The following EZH1 variants were observed in gnomAD, a reference collection of about 807,000 sequenced individuals.
EZH1 encodes the protein histone-lysine N-methyltransferase EZH1.
In EZH1, 33 loss-of-function variants were observed where a neutral mutation model predicts 100.5. The observed-to-expected ratio is 0.33, with a 90% CI of 0.25 to 0.44. The LOEUF (loss-of-function observed/expected upper bound fraction) is 0.44, where lower values mean the gene tolerates loss of function less well. Ranked by LOEUF, EZH1 falls within the 20% of genes least tolerant of loss-of-function variation. EZH1 has a pLI of 1.00. For missense variants in EZH1, 475 were observed against 928.4 expected (o/e 0.51, Z 6.35); for synonymous variants, 272 against 313.8 (o/e 0.87, Z 1.41).
chr17:42,713,175 G>A (rs1597833318), intron 11 of EZH1, 34 bp downstream of exon 11: 1 of 1,605,422 alleles, frequency 6.2e-7, no homozygotes, highest in Non-Finnish European at 8.5e-7. Context: ...TCCTTGCATG[G>A]AAAGAAAAAG....
chr17:42,744,057 G>C (rs988193004), intron 1 of EZH1, among the ~76,000 whole-genome samples: 1 of 151,970 alleles, frequency 6.6e-6, no homozygotes, highest in African/African-American at 2.4e-5. Context: ...GAGCTCCTTT[G>C]CTTTCATCCT....
At chr17:42,713,613 GT>G (rs938078323) in intron 10 of EZH1, among the ~76,000 whole-genome samples, 1 of 151,244 alleles carries the variant, frequency 6.6e-6, no homozygotes, top group Non-Finnish European at 1.5e-5. Context: ...TTGTTTGTTT[GT>G]TTTTTTGAGA....
intron 1 of EZH1, among the ~76,000 whole-genome samples, chr17:42,740,961 T>C (rs1320783842): frequency 3.3e-5 from 5 of 152,220 alleles, no homozygotes; most frequent in Admixed American, 3.3e-4. Context: ...GAATCCAATA[T>C]GTACACAGTT....
rs1159596673 is a variant in EZH1 at position 42,704,547 on chromosome 17, C to CA, written c.2017+54dup. Reference sequence around the variant, plus strand: ...TGGGCAACAGAGCAAGACTCCGTCTCAAAAAAAGAAAAAAAAAAAAGACCA... The same window carrying CA: ...TGGGCAACAGAGCAAGACTCCGTCTCAAAAAAAAGAAAAAAAAAAAAGACCA... On this transcript the variant is annotated intron_variant, in intron 18 of 20. Coordinates refer to ENST00000428826, the MANE Select transcript of EZH1 (RefSeq NM_001991.5). 6.2e-6 allele frequency: 9 copies of CA among 1,458,502 alleles called. No homozygotes were observed. In the African/African-American group the frequency reaches 1.0e-4, roughly 17 times the overall value. 90.3% of individuals were successfully genotyped at this position (1,458,502 alleles called of 1,614,324 possible). A position where few individuals can be genotyped will look rare whatever the true frequency, so the allele number is the denominator to read the frequency against.
rs927076801 is a variant in EZH1 at position 42,706,871 on chromosome 17, C to T, written c.1661-686G>A. ...TATCATTTTGAGAACAGAATGCATC[C>T]GTTCTATGCCATCCTTCTCCACCCA... On this transcript the variant is annotated intron_variant, in intron 15 of 20. Coordinates refer to ENST00000428826, the MANE Select transcript of EZH1 (RefSeq NM_001991.5). This position sits in a 1 kb window ranked among gnomAD's most constrained non-coding sequence, Gnocchi z 4.4. Among the ~76,000 whole-genome samples the T allele has an allele frequency of 6.6e-6, 1 of 152,124 alleles. No individual in the cohort carries two copies. The highest frequency in any genetic ancestry group is 1.5e-5 in the Non-Finnish European group (1 of 68,012).
chr17:42,727,736 C>T lies in EZH1; in HGVS notation c.145G>A (p.Val49Ile), dbSNP rs749985288. 6 of 1,604,686 alleles carry T rather than the reference C, an allele frequency of 3.7e-6. No homozygotes were observed. The South Asian group carries it at 6.7e-5, about 18-fold the overall frequency. ...TTGAGGATCTGGGTTTTTTCTTGAA[C>T]CTTTGCAAAATTTGCCACATACAAA... ...KALYVANFAK[V>I]QEKTQILNEE... is the part of the protein sequence containing the mutation. The change falls in exon 4 of 21, where the codon GTT becomes ATT. Residue 49 changes from valine (V) to isoleucine (I), a missense_variant. Val to Ile is a conservative substitution (Grantham distance 29). Transcript: ENST00000428826.
At chr17:42,720,679 A>T (rs1229409716) in intron 6 of EZH1, among the ~76,000 whole-genome samples, 1 of 152,028 alleles carries the variant, frequency 6.6e-6, no homozygotes, top group Non-Finnish European at 1.5e-5. Context: ...TATTTTTTTT[A>T]GACGGAGTTT....
intron 1 of EZH1, among the ~76,000 whole-genome samples, chr17:42,737,637 C>CT (rs988761087): frequency 6.6e-6 from 1 of 151,754 alleles, no homozygotes; most frequent in Non-Finnish European, 1.5e-5. Flanking sequence ...ACTATTCTTT[C>CT]TTTTTTTTCT....
At position 42,706,320 on chromosome 17, in the gene EZH1, C is replaced by T. The variant is rs1418104155; in HGVS notation, c.1661-135G>A. ...GGCAAAATAAGAGGAAGCTCCCTTCCCAATAATCAAATACACAAGTTTTGT... is the reference window on the plus strand; with the variant it reads ...GGCAAAATAAGAGGAAGCTCCCTTCTCAATAATCAAATACACAAGTTTTGT... On this transcript the variant is annotated intron_variant, in intron 15 of 20. Coordinates refer to ENST00000428826, the MANE Select transcript of EZH1 (RefSeq NM_001991.5). The surrounding 1 kb of genome is among the most constrained non-coding windows in gnomAD (Gnocchi z 4.4). 6 of 703,522 alleles carry T rather than the reference C, an allele frequency of 8.5e-6. No individual in the cohort carries two copies. The East Asian group carries it at 1.8e-4, about 21-fold the overall frequency. 43.6% of individuals were successfully genotyped at this position (703,522 alleles called of 1,614,324 possible). A position where few individuals can be genotyped will look rare whatever the true frequency, so the allele number is the denominator to read the frequency against.
chr17:42,742,480 T>C (rs2054194489), intron 1 of EZH1, among the ~76,000 whole-genome samples: 1 of 152,118 alleles, frequency 6.6e-6, no homozygotes, highest in African/African-American at 2.4e-5. Flanking sequence ...GTAACCATCA[T>C]AATGAAGAAG....
intron 11 of EZH1, 47 bp downstream of exon 11, chr17:42,713,160 CAG>C (rs1228911309): frequency 6.3e-7 from 1 of 1,581,210 alleles, no homozygotes; most frequent in Non-Finnish European, 8.6e-7. Context: ...CTGGGTTTAC[CAG>C]AGTCCTTGCA....
Position 42,728,806 on chromosome 17 carries a change from C to T in EZH1, c.117+19G>A, listed in dbSNP as rs769033361. ...GTATATTGAAATATATAAACTTTCA[C>T]TTGGGAATTATTTTTTACCTTTGCA... is the stretch of plus-strand genomic sequence containing the variant. On this transcript the variant is annotated intron_variant, in intron 3 of 20. Transcript: ENST00000428826. 6.2e-7 allele frequency: 1 copy of T among 1,608,184 alleles called. No individual in the cohort carries two copies. Among genetic ancestry groups the T allele is most frequent in the South Asian group, 1.1e-5 (1 of 90,036 alleles).
At chr17:42,741,243 A>C (rs1458602993) in intron 1 of EZH1, among the ~76,000 whole-genome samples, 1 of 152,270 alleles carries the variant, frequency 6.6e-6, no homozygotes, top group Non-Finnish European at 1.5e-5. Flanking sequence ...TTTTTGAGAC[A>C]GGGTCTCCCT....
intron 19 of EZH1, chr17:42,703,265 C>G: frequency 2.9e-6 from 1 of 341,442 alleles, no homozygotes; most frequent in Non-Finnish European, 5.5e-6. Context: ...ACCTCTGCCT[C>G]CAGGGTTCAA....
intron 20 of EZH1, 68 bp downstream of exon 20, chr17:42,702,809 A>T: frequency 6.4e-7 from 1 of 1,551,062 alleles, no homozygotes; most frequent in Non-Finnish European, 8.9e-7. Context: ...TGAGCCCCCA[A>T]ATCTATTCCA....
chr17:42,705,845 G>T (rs2053342656), intron 16 of EZH1, 162 bp downstream of exon 16: 3 of 787,420 alleles, frequency 3.8e-6, no homozygotes, highest in Non-Finnish European at 5.6e-6. Context: ...GCCCTACTGG[G>T]ACTGAAGCCT....
At chr17:42,708,735 C>G in intron 14 of EZH1, 141 bp downstream of exon 14, 1 of 854,836 alleles carries the variant, frequency 1.2e-6, no homozygotes, top group Non-Finnish European at 2.0e-6. Context: ...AGAGGCTCAG[C>G]TGTTCTCAGT....
chr17:42,732,957 A>G (rs1281871188), intron 1 of EZH1, among the ~76,000 whole-genome samples: 2 of 150,178 alleles, frequency 1.3e-5, no homozygotes, highest in African/African-American at 4.9e-5. Context: ...GTCACGTGCA[A>G]TGGCTCATGC....
intron 1 of EZH1, among the ~76,000 whole-genome samples, chr17:42,736,693 G>A: frequency 6.6e-6 from 1 of 151,952 alleles, no homozygotes; most frequent in East Asian, 1.9e-4. Flanking sequence ...AATTAGCTGG[G>A]CATGGTGGTG....
Sources: gnomAD v4.1 joint callset for allele counts (sites outside exome capture counted in the v4.1 genomes callset) on GRCh38, gnomAD v4.1.1 for gene constraint, Gnocchi (gnomAD v3.1) non-coding constraint, MANE v1.5 for transcripts, NCBI Gene and HGNC (gene_info 2026-07-23, HGNC 2026-07-21) for gene names.